The following SHISA5 variants were observed in gnomAD, a reference collection of about 807,000 sequenced individuals.
The protein encoded by SHISA5 is protein shisa-5.
In SHISA5, 21 loss-of-function variants were observed where a neutral mutation model predicts 27.5. The observed-to-expected ratio is 0.76, with a 90% CI of 0.54 to 1.10. The LOEUF is 1.10. Ranked by LOEUF, SHISA5 falls within the 50% of genes least tolerant of loss-of-function variation. The pLI is 0.00. For synonymous variants in SHISA5, 137 were observed against 142.2 expected, an observed-to-expected ratio of 0.96 and a Z score of 0.26; for missense variants, 314 against 336.3, an observed-to-expected ratio of 0.93 and a Z score of 0.52.
At chr3:48,503,871 T>C (rs1396851557) in intron 1 of SHISA5, 148 bp downstream of exon 1, 26 of 1,307,936 alleles carry the variant, frequency 2.0e-5, no homozygotes, top group Non-Finnish European at 2.5e-5. Flanking sequence ...GGGTCCGCAG[T>C]CGTGGGGGTT....
At chr3:48,479,146 A>C in intron 3 of SHISA5, 31 bp downstream of exon 3, 1 of 1,583,446 alleles carries the variant, frequency 6.3e-7, no homozygotes. Flanking sequence ...CTTTGCCAGG[A>C]AGATGCACCC....
chr3:48,476,287 G>A (rs1397890225), intron 3 of SHISA5, among the ~76,000 whole-genome samples: 2 of 150,384 alleles, frequency 1.3e-5, no homozygotes, highest in Non-Finnish European at 3.0e-5. Context: ...GTTGCAGTGA[G>A]CAGAGATTGT....
chr3:48,482,718 C>G (rs1447308597), intron 2 of SHISA5, among the ~76,000 whole-genome samples: 1 of 151,536 alleles, frequency 6.6e-6, no homozygotes, highest in Non-Finnish European at 1.5e-5. Context: ...TCACTGCAAC[C>G]TCTGCCTCCC....
intron 2 of SHISA5, among the ~76,000 whole-genome samples, chr3:48,485,751 GTGGTGAGGC>G (rs2041199203): frequency 6.6e-6 from 1 of 151,108 alleles, no homozygotes; most frequent in African/African-American, 2.4e-5. Context: ...GATATGAGTG[GTGGTGAGGC>G]TGGGGACAAA....
intron 2 of SHISA5, among the ~76,000 whole-genome samples, chr3:48,484,646 C>T (rs951607972): frequency 6.6e-6 from 1 of 152,000 alleles, no homozygotes. Flanking sequence ...AATCCCAGCA[C>T]TTTGGGAGGC....
chr3:48,502,517 A>G (rs2041787588), intron 1 of SHISA5: 1 of 392,144 alleles, frequency 2.6e-6, no homozygotes, highest in Admixed American at 2.9e-5. Flanking sequence ...AAGTCTCAAT[A>G]AACGAGGTCA....
chr3:48,495,915 C>A (rs1437811216), intron 2 of SHISA5, among the ~76,000 whole-genome samples: 1 of 146,888 alleles, frequency 6.8e-6, no homozygotes, highest in African/African-American at 2.7e-5. Context: ...CTTTGGGAGG[C>A]CAAGGAGGGC....
Position 48,498,808 on chromosome 3 carries a change from G to A in SHISA5, c.233+2329C>T, listed in dbSNP as rs558012062. ...TAAAAAAAGGATAATGCATACGGGCGCGGTGGCTCACGCCTGTAATCCCAG... is the reference window on the plus strand; with the variant it reads ...TAAAAAAAGGATAATGCATACGGGCACGGTGGCTCACGCCTGTAATCCCAG... On this transcript the variant is annotated intron_variant, in intron 2 of 5. Coordinates refer to ENST00000296444, the MANE Select transcript of SHISA5 (RefSeq NM_016479.6). Among the ~76,000 whole-genome samples, 156 of 152,036 alleles carry A rather than the reference G, an allele frequency of 1.0e-3. 5 individuals are homozygous for A. In the South Asian group the frequency reaches 0.029, roughly 28 times the overall value.
At position 48,504,160 on chromosome 3, in the gene SHISA5, T is replaced by C. The variant is rs1304027135; in HGVS notation, c.-66A>G. Reference sequence around the variant, plus strand: ...CGCAGTGCCGCCACAGCCTCAGTGATCCGCGCGGCCGCCCCTCTCCCTCGC... The same window carrying C: ...CGCAGTGCCGCCACAGCCTCAGTGACCCGCGCGGCCGCCCCTCTCCCTCGC... On this transcript the variant is annotated 5_prime_UTR_variant, in exon 1 of 6. Coordinates refer to ENST00000296444, the MANE Select transcript of SHISA5 (RefSeq NM_016479.6). This position sits in a 1 kb window ranked among gnomAD's most constrained non-coding sequence, Gnocchi z 4.0. 15 of 775,296 alleles carry C rather than the reference T, an allele frequency of 1.9e-5. No individual in the cohort carries two copies. The East Asian group carries it at 5.2e-4, about 27-fold the overall frequency. 48.0% of individuals were successfully genotyped at this position (775,296 alleles called of 1,614,324 possible).
chr3:48,490,495 T>C (rs2041389992), intron 2 of SHISA5, among the ~76,000 whole-genome samples: 1 of 152,182 alleles, frequency 6.6e-6, no homozygotes, highest in African/African-American at 2.4e-5. Context: ...AGGCTTAAAG[T>C]CTACTGGAGT....
chr3:48,480,903 T>G (rs2040986438), intron 2 of SHISA5, among the ~76,000 whole-genome samples: 1 of 152,058 alleles, frequency 6.6e-6, no homozygotes, highest in Non-Finnish European at 1.5e-5. Context: ...GAGACCAGCC[T>G]GGCCAATATG....
At chr3:48,503,641 CA>C in intron 1 of SHISA5, 1 of 966,294 alleles carries the variant, frequency 1.0e-6, no homozygotes, top group Non-Finnish European at 1.3e-6. Context: ...TAAACAGAGG[CA>C]AAGAGGGAAG....
Position 48,468,516 on chromosome 3 carries a change from G to A in SHISA5, c.*591C>T. On this transcript the variant is annotated 3_prime_UTR_variant, in exon 6 of 6. Coordinates refer to ENST00000296444, the MANE Select transcript of SHISA5 (RefSeq NM_016479.6). ...AGGCTGCCTGATCCCCAACAGGCATGACAGGCTCCAGGGAGCAATGGGACA... is the reference window on the plus strand; with the variant it reads ...AGGCTGCCTGATCCCCAACAGGCATAACAGGCTCCAGGGAGCAATGGGACA... 8.4e-7 allele frequency: 1 copy of A among 1,185,580 alleles called. No individual in the cohort carries two copies. Among genetic ancestry groups the A allele is most frequent in the Admixed American group, 3.7e-5 (1 of 26,984 alleles). The allele number at this position is 1,185,580 out of a possible 1,614,324, so 73.4% of individuals were successfully genotyped here.
chr3:48,501,149 A>G lies in SHISA5; in HGVS notation c.221T>C (p.Val74Ala). Reference protein sequence around the residue: ...KFVWSEERCAVPEASVPASVE... With the variant: ...KFVWSEERCAAPEASVPASVE... ...CTGGTGCACCCACCTGGCCTCAGGC[A>G]CAGCACACCTTTCCTCGCTCCACAC... is the stretch of plus-strand genomic sequence containing the variant. Residue 74 changes from valine (V) to alanine (A), a missense_variant, in exon 2 of 6, where the codon GTG (valine) becomes GCG (alanine). By Grantham distance (64) the Val-to-Ala change is moderately conservative. Transcript: ENST00000296444. 2 of 1,612,018 alleles carry G rather than the reference A, an allele frequency of 1.2e-6. No homozygotes were observed. The highest frequency in any genetic ancestry group is 2.2e-5 in the South Asian group (2 of 90,936).
At chr3:48,480,674 G>A (rs543591623) in intron 2 of SHISA5, among the ~76,000 whole-genome samples, 23 of 152,112 alleles carry the variant, frequency 1.5e-4, no homozygotes, top group East Asian at 5.8e-4. Context: ...CAGGAGAATC[G>A]CTTGAACCCA....
At chr3:48,476,341 C>CA (rs1250491645) in intron 3 of SHISA5, among the ~76,000 whole-genome samples, 1,476 of 62,016 alleles carry the variant, frequency 0.024, 17 homozygotes, top group African/African-American at 0.064. Context: ...AACTCCATCT[C>CA]AAAAAAAAAA....
chr3:48,474,665 C>G (rs1306108614), intron 3 of SHISA5, among the ~76,000 whole-genome samples: 1 of 152,066 alleles, frequency 6.6e-6, no homozygotes, highest in Admixed American at 6.6e-5. Context: ...TAAAATAAAA[C>G]TCCCTATTAG....
In SHISA5 at chr3:48,501,166, G is replaced by A. The variant is rs149007494; in HGVS notation, c.204C>T (p.Ser68=). 1.7e-5 allele frequency: 27 copies of A among 1,613,626 alleles called. No individual in the cohort carries two copies. Among genetic ancestry groups the A allele is most frequent in the African/African-American group, 1.5e-4 (11 of 74,856 alleles). The change falls in exon 2 of 6, where the codon AGC becomes AGT. Residue 68 remains serine, a synonymous_variant. Transcript: ENST00000296444. The part of the protein sequence containing the change: ...CSDVLKKFVW[S]EERCAVPEAS... ...CCTCAGGCACAGCACACCTTTCCTC[G>A]CTCCACACAAATTTCTTCAGCACGT...
At chr3:48,485,911 C>T (rs1420200667) in intron 2 of SHISA5, among the ~76,000 whole-genome samples, 4 of 151,294 alleles carry the variant, frequency 2.6e-5, no homozygotes, top group Non-Finnish European at 4.4e-5. Flanking sequence ...CAGAGCCTAC[C>T]AGGTGAGGTG....
Sources: allele counts gnomAD v4.1 joint callset (sites outside exome capture counted in the v4.1 genomes callset), GRCh38; gene constraint gnomAD v4.1.1; non-coding constraint Gnocchi (gnomAD v3.1); transcripts MANE v1.5; gene names NCBI Gene and HGNC (gene_info 2026-07-23, HGNC 2026-07-21).